PVT1: variants seen among roughly 807,000 people sequenced by gnomAD.
PVT1 encodes the protein Pvt1 oncogene.
At chr8:128,048,641 G>C (rs1017761664) in intron 4 of PVT1, 2 of 152,270 alleles carry the variant, frequency 1.3e-5, no homozygotes, top group Non-Finnish European at 2.9e-5. Context: ...TTGGGTCCTC[G>C]CTCCAGCATG....
At chr8:128,020,506 C>T (rs542911654) in intron 4 of PVT1, among the ~76,000 whole-genome samples, 3 of 152,184 alleles carry the variant, frequency 2.0e-5, no homozygotes, top group Admixed American at 6.5e-5. Context: ...TGGTTGCTAA[C>T]GGTGGCCCCT....
intron 3 of PVT1, among the ~76,000 whole-genome samples, chr8:127,974,582 CTT>C (rs1265595637): frequency 6.6e-6 from 1 of 150,780 alleles, no homozygotes; most frequent in African/African-American, 2.5e-5. Context: ...ACGGCTCTAA[CTT>C]TTGTATTTTT....
At chr8:127,824,345 C>A (rs865920815) in intron 2 of PVT1, among the ~76,000 whole-genome samples, 3 of 152,148 alleles carry the variant, frequency 2.0e-5, no homozygotes, top group African/African-American at 7.2e-5. Flanking sequence ...TCCCTTGGGG[C>A]CCCTTCAGCC....
intron 3 of PVT1, among the ~76,000 whole-genome samples, chr8:127,902,999 G>A (rs1815777588): frequency 6.6e-6 from 1 of 152,202 alleles, no homozygotes; most frequent in South Asian, 2.1e-4. Context: ...GGAGTTTTCT[G>A]AGAAATCTCT....
At chr8:128,019,888 T>C (rs1817414011) in intron 4 of PVT1, among the ~76,000 whole-genome samples, 1 of 152,246 alleles carries the variant, frequency 6.6e-6, no homozygotes, top group South Asian at 2.1e-4. Flanking sequence ...GAGTTCACTC[T>C]AGCTTTGGTT....
chr8:127,911,024 G>A (rs981785911), intron 3 of PVT1, among the ~76,000 whole-genome samples: 2 of 152,164 alleles, frequency 1.3e-5, no homozygotes, highest in Non-Finnish European at 2.9e-5. Context: ...TAGAAGCTGT[G>A]AGAAGGATGG....
chr8:128,037,096 T>C (rs1020996409), intron 4 of PVT1, among the ~76,000 whole-genome samples: 1 of 151,902 alleles, frequency 6.6e-6, no homozygotes, highest in Non-Finnish European at 1.5e-5. Flanking sequence ...GGTCCACAGA[T>C]GGAAGCTCCC....
chr8:128,065,554 C>G (rs1813894755), intron 4 of PVT1, among the ~76,000 whole-genome samples: 1 of 152,136 alleles, frequency 6.6e-6, no homozygotes, highest in Non-Finnish European at 1.5e-5. Context: ...GTTCTCAGGC[C>G]AGTCTGAAAC....
chr8:127,907,924 T>C (rs1395984368), intron 3 of PVT1, among the ~76,000 whole-genome samples: 1 of 152,076 alleles, frequency 6.6e-6, no homozygotes, highest in African/African-American at 2.4e-5. Flanking sequence ...CCCAGCTTCT[T>C]CCTGATTGTG....
At chr8:127,841,918 G>A (rs1563619108) in intron 2 of PVT1, among the ~76,000 whole-genome samples, 1 of 151,972 alleles carries the variant, frequency 6.6e-6, no homozygotes, top group Non-Finnish European at 1.5e-5. Flanking sequence ...TAGAGACGGG[G>A]TTTCACCGTG....
chr8:127,968,263 G>A (rs1223277664), intron 3 of PVT1, among the ~76,000 whole-genome samples: 2 of 151,990 alleles, frequency 1.3e-5, no homozygotes, highest in Non-Finnish European at 2.9e-5. Flanking sequence ...GTCCTCGATG[G>A]TCCCTCACTA....
chr8:127,821,193 G>A (rs892348388), intron 2 of PVT1, among the ~76,000 whole-genome samples: 3 of 152,176 alleles, frequency 2.0e-5, no homozygotes, highest in Non-Finnish European at 4.4e-5. Flanking sequence ...TTAACGTGGG[G>A]ACACTGAGGC....
At chr8:127,849,989 G>T (rs150443181) in intron 2 of PVT1, among the ~76,000 whole-genome samples, 1 of 22,290 alleles carries the variant, frequency 4.5e-5, no homozygotes, top group Non-Finnish European at 6.9e-5. Flanking sequence ...TGGGTGCACA[G>T]CCTGTACATA....
chr8:127,954,864 A>C (rs1197752636), intron 3 of PVT1, among the ~76,000 whole-genome samples: 1 of 152,134 alleles, frequency 6.6e-6, no homozygotes, highest in South Asian at 2.1e-4. Flanking sequence ...GTGCTGCCAC[A>C]TTTATCCTTT....
intron 4 of PVT1, among the ~76,000 whole-genome samples, chr8:128,042,734 GTTTATTTTATTTTAT>G (rs57334940): frequency 2.0e-4 from 26 of 129,762 alleles, no homozygotes; most frequent in Admixed American, 5.6e-4. Flanking sequence ...GGACTAGGTG[GTTTATTTTATTTTAT>G]TTTATTTTAT....
At chr8:128,006,292 T>C (rs1817247222) in intron 4 of PVT1, among the ~76,000 whole-genome samples, 1 of 152,034 alleles carries the variant, frequency 6.6e-6, no homozygotes, top group Non-Finnish European at 1.5e-5. Flanking sequence ...GCATTAGTAA[T>C]GTATCAGAAC....
At chr8:127,870,240 A>G (rs1815337782) in intron 2 of PVT1, among the ~76,000 whole-genome samples, 1 of 152,210 alleles carries the variant, frequency 6.6e-6, no homozygotes, top group African/African-American at 2.4e-5. Flanking sequence ...ATACAGGGAG[A>G]AGGCCATGTG....
At chr8:128,069,799 C>G (rs930447374) in intron 4 of PVT1, among the ~76,000 whole-genome samples, 2 of 152,202 alleles carry the variant, frequency 1.3e-5, no homozygotes, top group African/African-American at 4.8e-5. Context: ...GCATTCACGC[C>G]TGGGTTCTCT....
intron 2 of PVT1, among the ~76,000 whole-genome samples, chr8:127,886,219 C>T (rs1475705720): frequency 1.3e-5 from 2 of 152,182 alleles, no homozygotes; most frequent in Non-Finnish European, 2.9e-5. Flanking sequence ...ATTAGAACCA[C>T]TGTTTTTCTC....
Sources: gnomAD v4.1 joint callset for allele counts (sites outside exome capture counted in the v4.1 genomes callset) on GRCh38, gnomAD v4.1.1 for gene constraint, MANE v1.5 for transcripts, NCBI Gene and HGNC (gene_info 2026-07-23, HGNC 2026-07-21) for gene names.